CFAP47: variants seen among roughly 807,000 people sequenced by gnomAD.
CFAP47 encodes cilia- and flagella-associated protein 47.
In CFAP47, 29 loss-of-function variants were observed where a neutral mutation model predicts 148.1. The observed-to-expected ratio is 0.20, with a 90% confidence interval of 0.15 to 0.27. The LOEUF is 0.27. Among genes scored for constraint, CFAP47 ranks in the 10% least tolerant of loss-of-function variants. The probability of loss-of-function intolerance (pLI) is 1.00; values close to 1 mark genes in which losing one functional copy is unlikely to be tolerated. For missense variants in CFAP47, 1,872 were observed against 1,697.5 expected (o/e 1.10, Z -1.81); for synonymous variants, 664 against 577.3 (o/e 1.15, Z -2.15).
intron 59 of CFAP47, among the ~76,000 whole-genome samples, chrX:36,351,780 C>T (rs1941744982): frequency 9.0e-6 from 1 of 111,187 alleles, no homozygotes; most frequent in Non-Finnish European, 1.9e-5. Flanking sequence ...AATCATTTTC[C>T]CCAAAATCTA....
chrX:36,178,198 G>A (rs1939708902), intron 39 of CFAP47, among the ~76,000 whole-genome samples: 1 of 110,866 alleles, frequency 9.0e-6, no homozygotes, highest in South Asian at 3.8e-4. Flanking sequence ...GAGGGATGGA[G>A]GGGCAAGGAC....
At chrX:36,230,993 A>G (rs1940346357) in intron 46 of CFAP47, among the ~76,000 whole-genome samples, 1 of 105,001 alleles carries the variant, frequency 9.5e-6, no homozygotes, top group Non-Finnish European at 1.9e-5. Flanking sequence ...TACCAGTACC[A>G]TGCTGTTTTA....
In CFAP47 at chrX:36,001,363, C is replaced by T. The variant is rs1263376794; in HGVS notation, c.3323-250C>T. Among the ~76,000 whole-genome samples, 4 of 111,262 alleles carry T rather than the reference C, an allele frequency of 3.6e-5. No homozygotes were observed. The East Asian group carries it at 1.1e-3, about 31-fold the overall frequency. The stretch of plus-strand genomic sequence containing the variant: ...TAATTACTTGACCTTGCCCTTTATT[C>T]CTATTTATATTCATCTGAGTATGAC... On this transcript the variant is annotated intron_variant, in intron 20 of 63. Transcript: ENST00000378653.
intron 46 of CFAP47, among the ~76,000 whole-genome samples, chrX:36,233,398 T>A (rs1264112188): frequency 2.7e-5 from 3 of 111,451 alleles, no homozygotes; most frequent in African/African-American, 9.8e-5. Context: ...TGATCTTTGT[T>A]GGTTTAAAGT....
chrX:36,062,152 A>G (rs1023188309), intron 26 of CFAP47, among the ~76,000 whole-genome samples: 1 of 111,238 alleles, frequency 9.0e-6, no homozygotes, highest in African/African-American at 3.3e-5. Flanking sequence ...GCTAAGTAAG[A>G]TTGCTTTTAG....
intron 62 of CFAP47, among the ~76,000 whole-genome samples, chrX:36,378,317 A>G (rs1942042923): frequency 8.9e-6 from 1 of 112,022 alleles, no homozygotes; most frequent in Non-Finnish European, 1.9e-5. Flanking sequence ...AGGCCCAAGA[A>G]TGTTTAATGA....
rs150263721 is a variant in CFAP47, at chrX:36,153,220, C to A, written c.5786+3997C>A. The stretch of plus-strand genomic sequence containing the variant: ...ATAGGCGTAGGGTAGACACTTCTAC[C>A]CTATTCCAAATGGGGGAAATAGGAA... On this transcript the variant is annotated intron_variant, in intron 37 of 63. Coordinates refer to ENST00000378653, the MANE Select transcript of CFAP47 (RefSeq NM_001304548.2). 7.9e-3 allele frequency among the ~76,000 whole-genome samples: 879 copies of A among 111,705 alleles called. 6 individuals carry two copies. The highest frequency in any genetic ancestry group is 0.028 in the Middle Eastern group (6 of 216).
rs192866713 is a variant in CFAP47, at chrX:36,002,280, C to T, written c.3417+573C>T. The stretch of plus-strand genomic sequence containing the variant: ...TCACAGATTCTCTAACAGAAGTGCC[C>T]AACGAGAGAGCTTCTCTCTACGCAT... On this transcript the variant is annotated intron_variant, in intron 21 of 63. Transcript: ENST00000378653. 1.7e-4 allele frequency among the ~76,000 whole-genome samples: 19 copies of T among 111,194 alleles called. No homozygotes were observed. In the East Asian group the frequency reaches 5.4e-3, roughly 31 times the overall value.
intron 39 of CFAP47, among the ~76,000 whole-genome samples, chrX:36,176,564 A>G (rs1939683966): frequency 8.9e-6 from 1 of 112,092 alleles, no homozygotes; most frequent in South Asian, 3.7e-4. Context: ...TTGTTTGTAC[A>G]TTAATATTAG....
intron 35 of CFAP47, among the ~76,000 whole-genome samples, chrX:36,139,816 A>T (rs999812832): frequency 1.8e-5 from 2 of 111,831 alleles, no homozygotes; most frequent in African/African-American, 6.5e-5. Flanking sequence ...ATAATTGCTC[A>T]CTTTTTTCTT....
At chrX:36,377,958 A>C (rs987029399) in intron 62 of CFAP47, among the ~76,000 whole-genome samples, 2 of 111,844 alleles carry the variant, frequency 1.8e-5, no homozygotes, top group Non-Finnish European at 3.8e-5. Context: ...CTATGGTTCC[A>C]ATCCGCAGTC....
intron 36 of CFAP47, among the ~76,000 whole-genome samples, chrX:36,147,097 C>T (rs1286121358): frequency 9.0e-6 from 1 of 111,575 alleles, no homozygotes; most frequent in African/African-American, 3.3e-5. Flanking sequence ...ACATAGACTG[C>T]TAGAACAAGT....
At chrX:36,050,834 A>G (rs1318904831) in intron 26 of CFAP47, among the ~76,000 whole-genome samples, 2 of 112,033 alleles carry the variant, frequency 1.8e-5, no homozygotes, top group Non-Finnish European at 3.8e-5. Context: ...TTCCTGAGCC[A>G]GGTCCAGGGT....
At chrX:36,044,637 C>T (rs990416274) in intron 25 of CFAP47, among the ~76,000 whole-genome samples, 1 of 112,050 alleles carries the variant, frequency 8.9e-6, no homozygotes, top group Admixed American at 9.5e-5. Flanking sequence ...TCATCTCTAT[C>T]TGAGACCACT....
chrX:36,118,196 T>C (rs1052664325), intron 33 of CFAP47, among the ~76,000 whole-genome samples: 5 of 111,969 alleles, frequency 4.5e-5, no homozygotes, highest in Admixed American at 9.5e-5. Context: ...TTTTGTTCAT[T>C]TTGTTTAGTA....
chrX:36,086,783 C>G (rs1455315641), intron 30 of CFAP47, among the ~76,000 whole-genome samples: 1 of 111,194 alleles, frequency 9.0e-6, no homozygotes, highest in Non-Finnish European at 1.9e-5. Flanking sequence ...GAATCAAGAT[C>G]CAGGCAGCTT....
chrX:36,200,390 A>C lies in CFAP47; in HGVS notation c.6333A>C (p.Leu2111Phe), dbSNP rs1449588053. ...GTCTTGTGTTTTAGATTGGACAATT[A>C]ATATATGTTGCGGAAGGAAAAGGTA... ...IILSNKKIGQ[L>F]IYVAEGKGMT... Residue 2111 changes from leucine (L) to phenylalanine (F), a missense_variant, in exon 43 of 64, where the codon TTA becomes TTC. Physicochemically the swap from Leu to Phe is conservative, Grantham distance 22 (BLOSUM62 0). Coordinates refer to ENST00000378653, the MANE Select transcript of CFAP47 (RefSeq NM_001304548.2). 6.8e-6 allele frequency: 2 copies of C among 295,137 alleles called. No homozygotes were observed. Among genetic ancestry groups the C allele is most frequent in the Non-Finnish European group, 1.2e-5 (2 of 169,378 alleles). 24.3% of individuals were successfully genotyped at this position (295,137 alleles called of 1,213,427 possible).
At chrX:36,121,250 C>A (rs1938737333) in intron 33 of CFAP47, among the ~76,000 whole-genome samples, 2 of 110,511 alleles carry the variant, frequency 1.8e-5, no homozygotes, top group South Asian at 7.7e-4. Context: ...TCTATGTGTA[C>A]CTTTATAGGT....
At chrX:36,190,345 A>T (rs995450440) in intron 42 of CFAP47, 149 bp downstream of exon 42, 7 of 282,990 alleles carry the variant, frequency 2.5e-5, no homozygotes, top group Non-Finnish European at 4.3e-5. Flanking sequence ...ATCCTCAAGA[A>T]TATCCACAGT....
Sources: gnomAD v4.1 joint callset for allele counts (sites outside exome capture counted in the v4.1 genomes callset) on GRCh38, gnomAD v4.1.1 for gene constraint, MANE v1.5 for transcripts, NCBI Gene and HGNC (gene_info 2026-07-23, HGNC 2026-07-21) for gene names.